The following CYP4F3 variants were observed in gnomAD, a reference collection of about 807,000 sequenced individuals.
CYP4F3 encodes cytochrome P450 family 4 subfamily F member 3, also known as cytochrome P450 4F3.
Under a neutral mutation model 54.8 loss-of-function variants are expected in CYP4F3, and 50 were observed. The observed-to-expected ratio is 0.91, with a 90% CI of 0.73 to 1.16. The LOEUF is 1.16. Ranked by LOEUF, CYP4F3 falls within the 50% of genes most tolerant of loss-of-function variation. The pLI is 0.00. For synonymous variants in CYP4F3, 244 were observed against 262.6 expected (o/e 0.93, Z 0.69); for missense variants, 715 against 676.2 (o/e 1.06, Z -0.64).
intron 6 of CYP4F3, 57 bp downstream of exon 6, chr19:15,649,338 G>A: frequency 2.5e-6 from 4 of 1,610,028 alleles, no homozygotes; most frequent in African/African-American, 1.3e-5. Flanking sequence ...TTGGTAGGTG[G>A]GGGGCTGGGG....
chr19:15,645,919 C>T, intron 3 of CYP4F3, 56 bp downstream of exon 3: 1 of 1,507,042 alleles, frequency 6.6e-7, no homozygotes, highest in South Asian at 1.3e-5. Flanking sequence ...GCCTTGCCCA[C>T]AGCTGGGGTC....
chr19:15,657,878 A>C (rs1401077613), intron 9 of CYP4F3, among the ~76,000 whole-genome samples: 1 of 152,046 alleles, frequency 6.6e-6, no homozygotes, highest in African/African-American at 2.4e-5. Context: ...TTTTCTGCCT[A>C]GTGTTGCAAA....
intron 3 of CYP4F3, 45 bp from the exon 4 acceptor site, chr19:15,647,007 C>T (rs1246246894): frequency 6.2e-7 from 1 of 1,611,032 alleles, no homozygotes; most frequent in Admixed American, 1.7e-5. Context: ...CAAAGTTCCT[C>T]CTTCACCTGC....
At chr19:15,650,747 T>TC in intron 7 of CYP4F3, among the ~76,000 whole-genome samples, 1 of 132,314 alleles carries the variant, frequency 7.6e-6, no homozygotes, top group African/African-American at 2.9e-5. Context: ...TTTTCCTTCC[T>TC]TCCATCTTTC....
At chr19:15,641,387 C>T (rs1208941396) in intron 1 of CYP4F3, 28 bp from the exon 2 acceptor site, 3 of 1,612,962 alleles carry the variant, frequency 1.9e-6, no homozygotes, top group Non-Finnish European at 2.5e-6. Context: ...GCCTCAGGAC[C>T]TCACTCACCA....
intron 9 of CYP4F3, among the ~76,000 whole-genome samples, chr19:15,654,867 A>G (rs1972972037): frequency 6.6e-6 from 1 of 152,188 alleles, no homozygotes; most frequent in South Asian, 2.1e-4. Flanking sequence ...TTTGGGATAG[A>G]AATTTCTTCT....
intron 9 of CYP4F3, among the ~76,000 whole-genome samples, chr19:15,655,455 T>C (rs1568401652): frequency 6.6e-6 from 1 of 152,040 alleles, no homozygotes; most frequent in Non-Finnish European, 1.5e-5. Flanking sequence ...TGTCCCGGAG[T>C]ATAAAACCAA....
rs1805041 is a variant in CYP4F3, at chr19:15,652,881, G to A, written c.1044G>A (p.Pro348=). Residue 348 remains proline, a synonymous_variant, in exon 9 of 13, where the codon CCG becomes CCA. Coordinates refer to ENST00000221307, the MANE Select transcript of CYP4F3 (RefSeq NM_000896.3). ...SWVLYHLAKH[P]EYQERCRQEV... ...TCCTGTACCACCTTGCAAAGCACCC[G>A]GAATACCAGGAGCGCTGTCGGCAGG... is the stretch of plus-strand genomic sequence containing the variant. The A allele has an allele frequency of 0.23, 377,298 of 1,613,596 alleles. 45,422 individuals carry two copies. The highest frequency in any genetic ancestry group is 0.27 in the Middle Eastern group (1,616 of 6,056).
chr19:15,644,196 T>C, intron 2 of CYP4F3: 1 of 1,086,722 alleles, frequency 9.2e-7, no homozygotes, highest in Non-Finnish European at 1.2e-6. Flanking sequence ...CTTTCATGTA[T>C]TCACTAATTC....
intron 7 of CYP4F3, 43 bp from the exon 8 acceptor site, chr19:15,652,526 T>A (rs1431361900): frequency 6.2e-7 from 1 of 1,610,492 alleles, no homozygotes; most frequent in Non-Finnish European, 8.5e-7. Context: ...GTACTGTGAC[T>A]TTTTATGGGG....
rs375006898 is a variant in CYP4F3, at chr19:15,649,991, C to T, written c.726C>T (p.Tyr242=). The part of the protein sequence containing the change: ...VTKRHQQILL[Y]IDFLYYLTPD... Reference sequence around the variant, plus strand: ...AAAGACACCAGCAGATCCTCCTGTACATAGACTTCCTGTATTATCTCACCC... The same window carrying T: ...AAAGACACCAGCAGATCCTCCTGTATATAGACTTCCTGTATTATCTCACCC... Residue 242 remains tyrosine (Y), a synonymous_variant, in exon 7 of 13, where the codon TAC becomes TAT. Coordinates refer to ENST00000221307, the MANE Select transcript of CYP4F3 (RefSeq NM_000896.3). 5.0e-6 allele frequency: 8 copies of T among 1,614,192 alleles called. No individual in the cohort carries two copies. The highest frequency in any genetic ancestry group is 5.9e-6 in the Non-Finnish European group (7 of 1,180,044).
chr19:15,656,323 T>C (rs753534492), intron 9 of CYP4F3, among the ~76,000 whole-genome samples: 3 of 151,930 alleles, frequency 2.0e-5, no homozygotes, highest in Non-Finnish European at 4.4e-5. Context: ...AAAAACAACA[T>C]TAAATTACAA....
At chr19:15,654,300 A>G (rs1972956485) in intron 9 of CYP4F3, among the ~76,000 whole-genome samples, 1 of 152,242 alleles carries the variant, frequency 6.6e-6, no homozygotes. Context: ...TGATAATCTA[A>G]TACATTCATA....
rs1024656969 is a variant in CYP4F3 at position 15,647,032 on chromosome 19, A to C, written c.344-20A>C. ...CCTTCACCTGCCTCCATGGCCCCTG[A>C]TTGTCCTCATTTATGTCAGCTGCCA... is the stretch of plus-strand genomic sequence containing the variant. On this transcript the variant is annotated intron_variant, in intron 3 of 12. Coordinates refer to ENST00000221307, the MANE Select transcript of CYP4F3 (RefSeq NM_000896.3). 78 of 1,613,576 alleles carry C rather than the reference A, an allele frequency of 4.8e-5. No homozygotes were observed. Among genetic ancestry groups the C allele is most frequent in the Non-Finnish European group, 6.4e-5 (76 of 1,179,878 alleles).
At position 15,649,987 on chromosome 19, in the gene CYP4F3, T is replaced by C. The variant is rs1191137323; in HGVS notation, c.722T>C (p.Leu241Pro). 5 of 1,614,086 alleles carry C rather than the reference T, an allele frequency of 3.1e-6. No individual in the cohort carries two copies. The highest frequency in any genetic ancestry group is 2.2e-5 in the East Asian group (1 of 44,892). Residue 241 changes from leucine to proline, a missense_variant, in exon 7 of 13, where the codon CTG becomes CCG. By Grantham distance (98) the Leu-to-Pro change is moderately conservative (BLOSUM62 -3). Transcript: ENST00000221307. ...LVTKRHQQIL[L>P]YIDFLYYLTP... ...ACAAAAAGACACCAGCAGATCCTCCTGTACATAGACTTCCTGTATTATCTC... is the reference window on the plus strand; with the variant it reads ...ACAAAAAGACACCAGCAGATCCTCCCGTACATAGACTTCCTGTATTATCTC...
chr19:15,646,898 C>T (rs1455202744), intron 3 of CYP4F3, among the ~76,000 whole-genome samples, 154 bp from the exon 4 acceptor site: 1 of 152,156 alleles, frequency 6.6e-6, no homozygotes, highest in Non-Finnish European at 1.5e-5. Context: ...CCTCCCCTCC[C>T]CCATCCTGCC....
In CYP4F3 at chr19:15,658,724, C is replaced by T; in HGVS notation, c.1315-3C>T. The T allele has an allele frequency of 1.9e-6, 3 of 1,614,054 alleles. No homozygotes were observed. Among genetic ancestry groups the T allele is most frequent in the Non-Finnish European group, 2.5e-6 (3 of 1,179,984 alleles). On this transcript the variant is annotated splice_polypyrimidine_tract_variant and splice_region_variant and intron_variant, in intron 11 of 12. Transcript: ENST00000221307. Reference sequence around the variant, plus strand: ...CGGCAACCCTTCTTGGTCTCGCCTCCAGGTCTATGACCCCTTTCGCTTTGA... The same window carrying T: ...CGGCAACCCTTCTTGGTCTCGCCTCTAGGTCTATGACCCCTTTCGCTTTGA...
chr19:15,648,411 C>T (rs931933345), intron 5 of CYP4F3, among the ~76,000 whole-genome samples: 5 of 151,838 alleles, frequency 3.3e-5, no homozygotes, highest in African/African-American at 9.7e-5. Flanking sequence ...GCAGAAGCAG[C>T]ATATCCAGGG....
chr19:15,658,185 C>T, intron 9 of CYP4F3, 79 bp from the exon 10 acceptor site: 1 of 1,573,580 alleles, frequency 6.4e-7, no homozygotes, highest in South Asian at 1.2e-5. Flanking sequence ...GAGAAAAGGT[C>T]TCACTTGCAA....
Sources: allele counts gnomAD v4.1 joint callset (sites outside exome capture counted in the v4.1 genomes callset), GRCh38; gene constraint gnomAD v4.1.1; transcripts MANE v1.5; gene names NCBI Gene and HGNC (gene_info 2026-07-23, HGNC 2026-07-21).